Variants in STIMATE observed in about 807,000 individuals in gnomAD.
STIMATE encodes the protein store-operated calcium entry regulator STIMATE.
Under a neutral mutation model 36.7 loss-of-function variants are expected in STIMATE, and 15 were observed. The ratio of observed to expected loss-of-function variants is 0.41; its 90% CI spans 0.27 to 0.63. The LOEUF is 0.63. Among genes scored for constraint, STIMATE ranks in the 20% least tolerant of loss-of-function variants. The pLI is 0.32. For missense variants in STIMATE, 305 were observed against 397.3 expected, an observed-to-expected ratio of 0.77 and a Z score of 1.98; for synonymous variants, 163 against 162.3, an observed-to-expected ratio of 1.00 and a Z score of -0.03.
intron 1 of STIMATE, among the ~76,000 whole-genome samples, chr3:52,859,292 G>A (rs893237028): frequency 6.6e-6 from 1 of 150,508 alleles, no homozygotes; most frequent in African/African-American, 2.4e-5. Flanking sequence ...CCATGATTCT[G>A]TTCATGTCCA....
chr3:52,873,597 A>T (rs939370063), intron 1 of STIMATE, among the ~76,000 whole-genome samples: 2 of 152,124 alleles, frequency 1.3e-5, no homozygotes, highest in Non-Finnish European at 2.9e-5. Context: ...CAGACACTAG[A>T]GGCAGAGATA....
rs1458838118 is a variant in STIMATE at position 52,837,357 on chromosome 3, C to G, written c.*3137G>C. 6.6e-6 allele frequency: 1 copy of G among 152,270 alleles called. No individual in the cohort carries two copies. Among genetic ancestry groups the G allele is most frequent in the South Asian group, 2.1e-4 (1 of 4,836 alleles). 9.4% of individuals were successfully genotyped at this position (152,270 alleles called of 1,614,324 possible). A position where few individuals can be genotyped will look rare whatever the true frequency, so the allele number is the denominator to read the frequency against. On this transcript the variant is annotated 3_prime_UTR_variant, in exon 8 of 8. Coordinates refer to ENST00000355083, the MANE Select transcript of STIMATE (RefSeq NM_198563.5). ...TGGATTTGAGCCTTTTAATATTTTC[C>G]CTGAAGAAAGAGGCATGACAGGTGA...
intron 1 of STIMATE, chr3:52,895,837 T>C: frequency 8.0e-7 from 1 of 1,249,846 alleles, no homozygotes; most frequent in South Asian, 1.3e-5. Context: ...GAAGGCTGTC[T>C]GGAGGACAGA....
chr3:52,849,287 G>C (rs546264932), intron 4 of STIMATE, among the ~76,000 whole-genome samples: 2 of 152,354 alleles, frequency 1.3e-5, no homozygotes, highest in East Asian at 3.9e-4. Context: ...GAGGGCCTGA[G>C]GAAGGTGCCC....
intron 1 of STIMATE, among the ~76,000 whole-genome samples, chr3:52,883,147 A>C (rs982279184): frequency 2.0e-5 from 3 of 152,214 alleles, no homozygotes; most frequent in Admixed American, 1.3e-4. Context: ...TACTTTGAGG[A>C]AGGATCAAAG....
At chr3:52,887,960 T>C (rs1332681962) in intron 1 of STIMATE, among the ~76,000 whole-genome samples, 1 of 146,614 alleles carries the variant, frequency 6.8e-6, no homozygotes, top group Non-Finnish European at 1.5e-5. Context: ...CAATTTAGCA[T>C]CCCTGTTTGC....
At chr3:52,868,407 T>C (rs1005336152) in intron 1 of STIMATE, among the ~76,000 whole-genome samples, 1 of 152,224 alleles carries the variant, frequency 6.6e-6, no homozygotes, top group Non-Finnish European at 1.5e-5. Flanking sequence ...GTGATTCTTA[T>C]GGCAGGGAAC....
At position 52,849,835 on chromosome 3, in the gene STIMATE, C is replaced by G; in HGVS notation, c.384G>C (p.Leu128=). 2.5e-6 allele frequency: 4 copies of G among 1,613,752 alleles called. No homozygotes were observed. Among genetic ancestry groups the G allele is most frequent in the Non-Finnish European group, 3.4e-6 (4 of 1,180,026 alleles). ...IYVGVRAVSV[L]VEWQQWESLR... ...GGGACTCCCACTGCTGCCACTCTAC[C>G]AGGACGCTGACGGCGCGCACCCCCA... The change falls in exon 4 of 8, where the codon CTG becomes CTC. Residue 128 remains leucine (L), a synonymous_variant. Transcript: ENST00000355083.
At chr3:52,849,737 A>G in intron 4 of STIMATE, 55 bp downstream of exon 4, 1 of 1,576,460 alleles carries the variant, frequency 6.3e-7, no homozygotes, top group Non-Finnish European at 8.6e-7. Flanking sequence ...TGGGGCAAGG[A>G]GCAGAGACCT....
chr3:52,884,285 G>A (rs957929395), intron 1 of STIMATE, among the ~76,000 whole-genome samples: 10 of 143,960 alleles, frequency 6.9e-5, no homozygotes, highest in Admixed American at 5.0e-4. Flanking sequence ...TCACTCTGTC[G>A]CCCATGCTGG....
intron 1 of STIMATE, among the ~76,000 whole-genome samples, chr3:52,875,443 G>A (rs1701486270): frequency 6.6e-6 from 1 of 152,168 alleles, no homozygotes; most frequent in African/African-American, 2.4e-5. Flanking sequence ...CCTAGTCAGA[G>A]GAGACACCTG....
intron 7 of STIMATE, 26 bp from the exon 8 acceptor site, chr3:52,840,636 G>C (rs754565074): frequency 6.2e-6 from 10 of 1,602,744 alleles, no homozygotes; most frequent in South Asian, 2.2e-5. Flanking sequence ...GGCAGGGCCT[G>C]AGTCACCCCC....
chr3:52,895,021 C>T (rs1378971739), intron 1 of STIMATE, among the ~76,000 whole-genome samples: 1 of 152,232 alleles, frequency 6.6e-6, no homozygotes, highest in Non-Finnish European at 1.5e-5. Context: ...GTCAGGGGAG[C>T]CTGGCCTTCA....
intron 1 of STIMATE, among the ~76,000 whole-genome samples, chr3:52,867,069 A>G (rs1465124308): frequency 6.6e-6 from 1 of 152,156 alleles, no homozygotes; most frequent in East Asian, 1.9e-4. Flanking sequence ...CATCCCTCTT[A>G]CCAGATGGCA....
intron 1 of STIMATE, among the ~76,000 whole-genome samples, chr3:52,894,060 T>C (rs1701825564): frequency 6.6e-6 from 1 of 152,194 alleles, no homozygotes; most frequent in African/African-American, 2.4e-5. Context: ...TCACAGACTA[T>C]AGACAAAACC....
At chr3:52,844,725 T>TAA in intron 5 of STIMATE, 104 bp downstream of exon 5, 1 of 1,200,444 alleles carries the variant, frequency 8.3e-7, no homozygotes, top group South Asian at 1.4e-5. Context: ...TTCATAGAGT[T>TAA]AAAACAAGTT....
chr3:52,855,269 C>A (rs1014979132), intron 2 of STIMATE, 127 bp downstream of exon 2: 1 of 1,202,804 alleles, frequency 8.3e-7, no homozygotes. Context: ...ATTCCACATA[C>A]ATTATATTAT....
At position 52,849,918 on chromosome 3, in the gene STIMATE, G is replaced by A; in HGVS notation, c.306-5C>T. On this transcript the variant is annotated splice_polypyrimidine_tract_variant and splice_region_variant and intron_variant, in intron 3 of 7. Coordinates refer to ENST00000355083, the MANE Select transcript of STIMATE (RefSeq NM_198563.5). The stretch of plus-strand genomic sequence containing the variant: ...AGGAGGAAGTTGATGAGGTACCTGT[G>A]AGGACAGGGCACATGCATGGTCACG... The A allele has an allele frequency of 1.2e-6, 2 of 1,613,140 alleles. No individual in the cohort carries two copies. Among genetic ancestry groups the A allele is most frequent in the East Asian group, 4.5e-5 (2 of 44,848 alleles).
At chr3:52,878,919 C>A (rs1010558437) in intron 1 of STIMATE, among the ~76,000 whole-genome samples, 4 of 152,174 alleles carry the variant, frequency 2.6e-5, no homozygotes, top group African/African-American at 9.7e-5. Context: ...GAGGCTCCAA[C>A]GGCAGTGCAA....
Sources: gnomAD v4.1 joint callset for allele counts (sites outside exome capture counted in the v4.1 genomes callset) on GRCh38, gnomAD v4.1.1 for gene constraint, MANE v1.5 for transcripts, NCBI Gene and HGNC (gene_info 2026-07-23, HGNC 2026-07-21) for gene names.